The following CCDC187 variants were observed in gnomAD, a reference collection of about 807,000 sequenced individuals.
The protein encoded by CCDC187 is coiled-coil domain-containing protein 187.
Under a neutral mutation model 38.0 loss-of-function variants are expected in CCDC187, and 32 were observed. The ratio of observed to expected loss-of-function variants is 0.84; its 90% confidence interval spans 0.64 to 1.13. The LOEUF (loss-of-function observed/expected upper bound fraction) is 1.13, where lower values mean the gene tolerates loss of function less well. Ranked by LOEUF, CCDC187 falls within the 50% of genes most tolerant of loss-of-function variation. The pLI is 0.00. For missense variants in CCDC187, 707 were observed against 786.8 expected (o/e 0.90, Z 1.21); for synonymous variants, 333 against 347.9 (o/e 0.96, Z 0.48).
At position 136,258,324 on chromosome 9, in the gene CCDC187, C is replaced by G. The variant is rs372777601; in HGVS notation, c.4366+608G>C. ...GGGACCCCCCAGTCTATGCCACCCCCCTTGGGTGGCATAGTCTCCCTGCTT... is the reference window on the plus strand; with the variant it reads ...GGGACCCCCCAGTCTATGCCACCCCGCTTGGGTGGCATAGTCTCCCTGCTT... On this transcript the variant is annotated intron_variant, in intron 22 of 25. Transcript: ENST00000638797. The surrounding 1 kb of genome is among the most constrained non-coding windows in gnomAD (Gnocchi z 4.3). Among the ~76,000 whole-genome samples the G allele has an allele frequency of 5.0e-4, 76 of 152,304 alleles. No homozygotes were observed. Among genetic ancestry groups the G allele is most frequent in the Non-Finnish European group, 7.6e-4 (52 of 68,010 alleles).
intron 2 of CCDC187, among the ~76,000 whole-genome samples, chr9:136,301,016 G>A (rs919659419): frequency 0.16 from 24,373 of 152,218 alleles, 3,565 homozygotes; most frequent in African/African-American, 0.37. Context: ...ACACAGAAAC[G>A]CCTCTGGCAG....
Position 136,291,397 on chromosome 9 carries a change from G to T in CCDC187, c.1216C>A (p.Gln406Lys), listed in dbSNP as rs1314822142. The T allele has an allele frequency of 1.3e-5, 5 of 398,934 alleles. No individual in the cohort carries two copies. The highest frequency in any genetic ancestry group is 2.2e-5 in the Non-Finnish European group (5 of 226,384). 24.7% of individuals were successfully genotyped at this position (398,934 alleles called of 1,614,324 possible). The change falls in exon 6 of 26, where the codon CAG becomes AAG. Residue 406 changes from glutamine to lysine, a missense_variant. Gln to Lys is a moderately conservative substitution (Grantham distance 53). Transcript: ENST00000638797. ...CAGCAGCCCCTCCCTGCCACGTCCT[G>T]CAGCCTCCGCTTTGATGGCCCGAGC... ...QELGPSKRRLQDVAGRGCCRD... is the reference protein window; with the variant it reads ...QELGPSKRRLKDVAGRGCCRD...
intron 9 of CCDC187, among the ~76,000 whole-genome samples, chr9:136,284,819 C>G (rs1831134213): frequency 1.3e-5 from 2 of 152,218 alleles, no homozygotes; most frequent in East Asian, 3.9e-4. Flanking sequence ...GGCTTAGGTG[C>G]TCGGGAGGGA....
chr9:136,300,807 G>A (rs1381880383), intron 2 of CCDC187, among the ~76,000 whole-genome samples: 11 of 152,142 alleles, frequency 7.2e-5, no homozygotes, highest in Non-Finnish European at 1.5e-4. Flanking sequence ...ACCCATGTTG[G>A]CCAGGCTAGT....
In CCDC187 at chr9:136,303,932, C is replaced by T. The variant is rs1831754127; in HGVS notation, c.-102G>A. On this transcript the variant is annotated 5_prime_UTR_variant, in exon 1 of 26. In the 5' UTR this introduces an upstream ATG that the reference lacks. Transcript: ENST00000638797. ...GGCGGCTTCGAGGCCTGCAGCCCCA[C>T]CTATGACCCTGCCCGGGATGGGCTG... is the stretch of plus-strand genomic sequence containing the variant. 6.6e-6 allele frequency: 1 copy of T among 152,496 alleles called. No homozygotes were observed. Among genetic ancestry groups the T allele is most frequent in the South Asian group, 2.1e-4 (1 of 4,836 alleles). The allele number at this position is 152,496 out of a possible 1,614,324, so 9.4% of individuals were successfully genotyped here.
At chr9:136,290,411 G>A (rs1222481968) in intron 6 of CCDC187, 75 bp downstream of exon 6, 6 of 398,158 alleles carry the variant, frequency 1.5e-5, no homozygotes, top group Admixed American at 4.4e-5. Context: ...CCAGGGGGCT[G>A]GAGGCAGCAC....
At position 136,285,315 on chromosome 9, in the gene CCDC187, G is replaced by A. The variant is rs895697276; in HGVS notation, c.2927+198C>T. Among the ~76,000 whole-genome samples, 2,715 of 152,202 alleles carry A rather than the reference G, an allele frequency of 0.018. 211 individuals carry two copies. The East Asian group carries it at 0.23, about 13-fold the overall frequency. On this transcript the variant is annotated intron_variant, in intron 9 of 25. Transcript: ENST00000638797. ...GTCTGACGCGGGGCTTCCCTGCCCC[G>A]GCCAGCGTCCGAGCCAGCACCACCT...
chr9:136,293,632 ACTCGCATG>A (rs1489533019), intron 4 of CCDC187, among the ~76,000 whole-genome samples: 2 of 151,336 alleles, frequency 1.3e-5, no homozygotes, highest in African/African-American at 2.4e-5. Context: ...GCTGACAGGC[ACTCGCATG>A]CTCACACTCA....
chr9:136,251,342 C>T lies in CCDC187; in HGVS notation c.*2252G>A, dbSNP rs1554759375. ...ATGCTCCAGAAGAGACCTTGGGCCA[C>T]TGATCCCCAGAGGAAAAGCCCCCGG... On this transcript the variant is annotated 3_prime_UTR_variant, in exon 26 of 26. Coordinates refer to ENST00000638797, the MANE Select transcript of CCDC187 (RefSeq NM_001378188.1). 3 of 283,642 alleles carry T rather than the reference C, an allele frequency of 1.1e-5. No individual in the cohort carries two copies. The highest frequency in any genetic ancestry group is 2.1e-5 in the Non-Finnish European group (3 of 142,310). The allele number at this position is 283,642 out of a possible 1,614,324, so 17.6% of individuals were successfully genotyped here. A position where few individuals can be genotyped will look rare whatever the true frequency, so the allele number is the denominator to read the frequency against.
rs1039214780 is a variant in CCDC187 at position 136,257,469 on chromosome 9, G to A, written c.4367-628C>T. Among the ~76,000 whole-genome samples, 3 of 152,034 alleles carry A rather than the reference G, an allele frequency of 2.0e-5. No individual in the cohort carries two copies. Among genetic ancestry groups the A allele is most frequent in the Admixed American group, 6.5e-5 (1 of 15,276 alleles). Reference sequence around the variant, plus strand: ...TTGCCAGAGCTTGTTCTTCCCCCTCGGTGCCGTCCGACAGACACTGGTGTG... The same window carrying A: ...TTGCCAGAGCTTGTTCTTCCCCCTCAGTGCCGTCCGACAGACACTGGTGTG... On this transcript the variant is annotated intron_variant, in intron 22 of 25. Coordinates refer to ENST00000638797, the MANE Select transcript of CCDC187 (RefSeq NM_001378188.1). The surrounding 1 kb of genome is among the most constrained non-coding windows in gnomAD (Gnocchi z 4.5).
In CCDC187 at chr9:136,285,947, C is replaced by T. The variant is rs1342084742; in HGVS notation, c.2833+138G>A. 4 of 397,338 alleles carry T rather than the reference C, an allele frequency of 1.0e-5. No homozygotes were observed. In the Admixed American group the frequency reaches 1.8e-4, roughly 17 times the overall value. The allele number at this position is 397,338 out of a possible 1,614,324, so 24.6% of individuals were successfully genotyped here. On this transcript the variant is annotated intron_variant, in intron 8 of 25. Coordinates refer to ENST00000638797, the MANE Select transcript of CCDC187 (RefSeq NM_001378188.1). ...GCCCACGTACACTATGCTGCTCAGACCCCCTGGACTGTTGTCCTCCTAGCC... is the reference window on the plus strand; with the variant it reads ...GCCCACGTACACTATGCTGCTCAGATCCCCTGGACTGTTGTCCTCCTAGCC...
intron 1 of CCDC187, among the ~76,000 whole-genome samples, 168 bp from the exon 2 acceptor site, chr9:136,303,461 C>G (rs1236169702): frequency 6.6e-6 from 1 of 152,246 alleles, no homozygotes; most frequent in Non-Finnish European, 1.5e-5. Context: ...CATTCTCTCT[C>G]AAGCCCTGAC....
At chr9:136,261,490 C>T (rs1830678269) in intron 19 of CCDC187, among the ~76,000 whole-genome samples, 1 of 79,874 alleles carries the variant, frequency 1.3e-5, no homozygotes, top group Non-Finnish European at 3.5e-5. Context: ...CGGCCCCTCC[C>T]CTCCAGCCCT....
At chr9:136,294,812 C>T (rs1020274727) in intron 4 of CCDC187, among the ~76,000 whole-genome samples, 2 of 152,240 alleles carry the variant, frequency 1.3e-5, no homozygotes, top group Non-Finnish European at 2.9e-5. Flanking sequence ...CCATGCCCCA[C>T]ACCCACTTTA....
At chr9:136,279,568 A>T (rs1830999691) in intron 10 of CCDC187, among the ~76,000 whole-genome samples, 1 of 152,218 alleles carries the variant, frequency 6.6e-6, no homozygotes, top group African/African-American at 2.4e-5. Flanking sequence ...TCCTGCAGCC[A>T]TTGGAACTGT....
At chr9:136,283,883 G>A (rs1831106991) in intron 9 of CCDC187, among the ~76,000 whole-genome samples, 1 of 152,206 alleles carries the variant, frequency 6.6e-6, no homozygotes, top group African/African-American at 2.4e-5. Context: ...CGACAGAGGC[G>A]AGGTCTGGCC....
chr9:136,264,559 G>A lies in CCDC187; in HGVS notation c.3736-761C>T, dbSNP rs887426546. On this transcript the variant is annotated intron_variant, in intron 17 of 25. Coordinates refer to ENST00000638797, the MANE Select transcript of CCDC187 (RefSeq NM_001378188.1). The surrounding 1 kb of genome is among the most constrained non-coding windows in gnomAD (Gnocchi z 4.3). ...TGTTTCTCCGTATCTGAGAGGACCT[G>A]TGCATGGGTCTGTGGCCTGGGTCTC... Among the ~76,000 whole-genome samples the A allele has an allele frequency of 6.6e-6, 1 of 152,156 alleles. No homozygotes were observed. The highest frequency in any genetic ancestry group is 2.4e-5 in the African/African-American group (1 of 41,418).
rs879966597 is a variant in CCDC187 at position 136,255,659 on chromosome 9, G to A, written c.4691C>T (p.Pro1564Leu). Reference protein sequence around the residue: ...WLEAAQAAASPAAPVVPEEAA... With the variant: ...WLEAAQAAASLAAPVVPEEAA... ...GGGGCTGGGGGCTGGGGCATTACCT[G>A]GGGAGGCAGCGGCCTGGGCAGCCTC... The change falls in exon 25 of 26, where the codon CCA becomes CTA. Residue 1564 changes from proline to leucine, a missense_variant and splice_region_variant. Physicochemically the swap from Pro to Leu is moderately conservative, Grantham distance 98. Coordinates refer to ENST00000638797, the MANE Select transcript of CCDC187 (RefSeq NM_001378188.1). 7.6e-4 allele frequency: 752 copies of A among 985,098 alleles called. 1 individual carries two copies. The highest frequency in any genetic ancestry group is 8.9e-4 in the Non-Finnish European group (737 of 829,622). The allele number at this position is 985,098 out of a possible 1,614,324, so 61.0% of individuals were successfully genotyped here.
At chr9:136,288,887 T>G (rs1209419915) in intron 7 of CCDC187, among the ~76,000 whole-genome samples, 2 of 152,206 alleles carry the variant, frequency 1.3e-5, no homozygotes, top group Non-Finnish European at 2.9e-5. Flanking sequence ...AGGGTGCAAG[T>G]TCCCGAGAAA....
Sources: allele counts gnomAD v4.1 joint callset (sites outside exome capture counted in the v4.1 genomes callset), GRCh38; gene constraint gnomAD v4.1.1; non-coding constraint Gnocchi (gnomAD v3.1); transcripts MANE v1.5; gene names NCBI Gene and HGNC (gene_info 2026-07-23, HGNC 2026-07-21).